SH3RF1: variants seen among roughly 807,000 people sequenced by gnomAD.
SH3RF1 encodes the protein SH3 domain containing ring finger 1, also known as E3 ubiquitin-protein ligase SH3RF1.
Under a neutral mutation model 74.0 loss-of-function variants are expected in SH3RF1, and 32 were observed. That is an observed-to-expected ratio of 0.43 (90% CI 0.33 to 0.58). The LOEUF (loss-of-function observed/expected upper bound fraction) is 0.58. Among genes scored for constraint, SH3RF1 ranks in the 20% least tolerant of loss-of-function variants. The probability of loss-of-function intolerance (pLI) is 0.05; values close to 1 mark genes in which losing one functional copy is unlikely to be tolerated. For missense variants in SH3RF1, 954 were observed against 1,130.9 expected, an observed-to-expected ratio of 0.84 and a Z score of 2.24; for synonymous variants, 396 against 439.6, an observed-to-expected ratio of 0.90 and a Z score of 1.24.
intron 10 of SH3RF1, among the ~76,000 whole-genome samples, chr4:169,113,685 A>G (rs1002201854): frequency 2.0e-5 from 3 of 152,044 alleles, no homozygotes; most frequent in African/African-American, 7.2e-5. Context: ...TACTAAAGAC[A>G]CTCTAGTCAT....
At chr4:169,098,890 C>G (rs1021200807) in intron 11 of SH3RF1, among the ~76,000 whole-genome samples, 2 of 152,140 alleles carry the variant, frequency 1.3e-5, no homozygotes, top group Non-Finnish European at 2.9e-5. Flanking sequence ...AGAGTTCAAC[C>G]TGAAAATATT....
intron 2 of SH3RF1, among the ~76,000 whole-genome samples, chr4:169,159,195 C>G (rs1734112016): frequency 6.6e-6 from 1 of 152,172 alleles, no homozygotes; most frequent in African/African-American, 2.4e-5. Flanking sequence ...GCTGTGTACT[C>G]TGGTCACATT....
intron 2 of SH3RF1, among the ~76,000 whole-genome samples, chr4:169,176,734 G>T (rs1385640321): frequency 6.6e-6 from 1 of 152,046 alleles, no homozygotes; most frequent in East Asian, 1.9e-4. Flanking sequence ...TAGAGACAGG[G>T]TTTTACATGT....
intron 2 of SH3RF1, among the ~76,000 whole-genome samples, chr4:169,210,889 C>A (rs993524262): frequency 6.6e-6 from 1 of 152,216 alleles, no homozygotes; most frequent in Non-Finnish European, 1.5e-5. Context: ...TCTCTCTCAA[C>A]CTATTCTGGC....
intron 2 of SH3RF1, among the ~76,000 whole-genome samples, chr4:169,237,874 C>A (rs191951562): frequency 6.6e-6 from 1 of 152,160 alleles, no homozygotes; most frequent in Non-Finnish European, 1.5e-5. Context: ...TATGATTTCC[C>A]CCCCGCTCCA....
chr4:169,151,690 A>G (rs1274542057), intron 4 of SH3RF1, among the ~76,000 whole-genome samples: 2 of 152,224 alleles, frequency 1.3e-5, no homozygotes, highest in Admixed American at 1.3e-4. Context: ...GGCCACTCCA[A>G]CTTCAGGCCT....
intron 2 of SH3RF1, among the ~76,000 whole-genome samples, chr4:169,187,705 T>C (rs1039039826): frequency 2.0e-5 from 3 of 152,150 alleles, no homozygotes; most frequent in Non-Finnish European, 4.4e-5. Flanking sequence ...AGCAAGCTAA[T>C]GTCAGATGTA....
intron 2 of SH3RF1, among the ~76,000 whole-genome samples, chr4:169,184,807 C>G (rs1264919142): frequency 6.6e-6 from 1 of 152,172 alleles, no homozygotes; most frequent in Non-Finnish European, 1.5e-5. Context: ...TAAATCATAT[C>G]TTGATTAGCA....
At chr4:169,099,404 A>G (rs1732980280) in intron 11 of SH3RF1, among the ~76,000 whole-genome samples, 1 of 152,210 alleles carries the variant, frequency 6.6e-6, no homozygotes, top group Non-Finnish European at 1.5e-5. Context: ...ACACCTTTAA[A>G]AGCAAGACAA....
chr4:169,179,362 G>C (rs1734472104), intron 2 of SH3RF1, among the ~76,000 whole-genome samples: 1 of 152,174 alleles, frequency 6.6e-6, no homozygotes. Flanking sequence ...TTTTGGCCCA[G>C]GGAGACCTGT....
intron 4 of SH3RF1, among the ~76,000 whole-genome samples, chr4:169,139,276 G>T (rs888564899): frequency 2.0e-5 from 3 of 152,134 alleles, no homozygotes; most frequent in Non-Finnish European, 2.9e-5. Flanking sequence ...TAATGTGCTT[G>T]GTGTTAAAGA....
At chr4:169,101,674 C>CA (rs3070770) in intron 11 of SH3RF1, among the ~76,000 whole-genome samples, 4,212 of 85,552 alleles carry the variant, frequency 0.049, 167 homozygotes, top group African/African-American at 0.14. Context: ...AAAAAAAAGG[C>CA]AAAAAAAAAA....
At chr4:169,156,762 T>C in intron 2 of SH3RF1, 83 bp from the exon 3 acceptor site, 2 of 1,374,640 alleles carry the variant, frequency 1.5e-6, no homozygotes, top group South Asian at 1.4e-5. Flanking sequence ...TGTCATTGTT[T>C]TAAAGTCAAA....
chr4:169,106,888 C>T lies in SH3RF1; in HGVS notation c.2457G>A (p.Leu819=), dbSNP rs868479552. 3.7e-6 allele frequency: 6 copies of T among 1,612,716 alleles called. No homozygotes were observed. The change falls in exon 11 of 12, where the codon CTG becomes CTA. Residue 819 remains leucine, a synonymous_variant. Coordinates refer to ENST00000284637, the MANE Select transcript of SH3RF1 (RefSeq NM_020870.4). ...APPPRQACSS[L]GPVLNESRPV... ...GTCTAGACTCATTCAAGACAGGACC[C>T]AGGGAGGAACAGGCCTGGCGAGGAG... is the stretch of plus-strand genomic sequence containing the variant.
Position 169,096,258 on chromosome 4 carries a change from A to G in SH3RF1, c.*261T>C. 1 of 354,212 alleles carries G rather than the reference A, an allele frequency of 2.8e-6. No individual in the cohort carries two copies. The highest frequency in any genetic ancestry group is 4.3e-5 in the East Asian group (1 of 23,144). The allele number at this position is 354,212 out of a possible 1,614,324, so 21.9% of individuals were successfully genotyped here. ...GTCCATTTTAGTCATATATCTTAAA[A>G]AAAAAAAAAAGTTTCTCTGTGTAGT... On this transcript the variant is annotated 3_prime_UTR_variant, in exon 12 of 12. Transcript: ENST00000284637.
intron 10 of SH3RF1, among the ~76,000 whole-genome samples, chr4:169,111,274 C>T (rs1733241218): frequency 6.7e-6 from 1 of 148,600 alleles, no homozygotes; most frequent in Admixed American, 6.7e-5. Flanking sequence ...GCACTCCAAC[C>T]TGGGTGATCT....
chr4:169,190,393 AC>A (rs1162936406), intron 2 of SH3RF1, among the ~76,000 whole-genome samples: 2 of 152,188 alleles, frequency 1.3e-5, no homozygotes, highest in Admixed American at 1.3e-4. Flanking sequence ...GAGAGACATT[AC>A]AACTGACAAC....
At chr4:169,237,399 G>A (rs894485772) in intron 2 of SH3RF1, among the ~76,000 whole-genome samples, 3 of 152,304 alleles carry the variant, frequency 2.0e-5, no homozygotes, top group South Asian at 4.1e-4. Flanking sequence ...ACAACACTTC[G>A]GGAGGTGGAA....
At chr4:169,242,696 T>C (rs1006879393) in intron 2 of SH3RF1, among the ~76,000 whole-genome samples, 2 of 152,200 alleles carry the variant, frequency 1.3e-5, no homozygotes, top group Admixed American at 6.5e-5. Context: ...CCCTCATAAA[T>C]GGACTGTCCT....
Sources: allele counts gnomAD v4.1 joint callset (sites outside exome capture counted in the v4.1 genomes callset), GRCh38; gene constraint gnomAD v4.1.1; transcripts MANE v1.5; gene names NCBI Gene and HGNC (gene_info 2026-07-23, HGNC 2026-07-21).